BMP7: variants seen among roughly 807,000 people sequenced by gnomAD.
BMP7 encodes bone morphogenetic protein 7.
A neutral mutation model predicts 41.2 loss-of-function variants in BMP7; 12 were observed. The ratio of observed to expected loss-of-function variants is 0.29; its 90% CI spans 0.19 to 0.47. The LOEUF (loss-of-function observed/expected upper bound fraction) is 0.47, where lower values mean the gene tolerates loss of function less well. Ranked by LOEUF, BMP7 falls within the 20% of genes least tolerant of loss-of-function variation. The pLI is 0.99. For synonymous variants in BMP7, 248 were observed against 250.0 expected (o/e 0.99, Z 0.07); for missense variants, 467 against 606.0 (o/e 0.77, Z 2.41).
chr20:57,262,179 G>A (rs1600649001), intron 1 of BMP7, among the ~76,000 whole-genome samples: 1 of 152,354 alleles, frequency 6.6e-6, no homozygotes, highest in South Asian at 2.1e-4. Context: ...AGAAAGAATG[G>A]TAACGGGCTA....
intron 1 of BMP7, chr20:57,243,747 G>A (rs1303548017): frequency 1.3e-5 from 2 of 152,266 alleles, no homozygotes; most frequent in Admixed American, 6.5e-5. Flanking sequence ...CCCTCCCCAC[G>A]GCTGAGTTGG....
At chr20:57,265,247 A>C (rs1600650577) in intron 1 of BMP7, among the ~76,000 whole-genome samples, 1 of 152,116 alleles carries the variant, frequency 6.6e-6, no homozygotes, top group Non-Finnish European at 1.5e-5. Flanking sequence ...AGGGCTTGAC[A>C]GGGAGGGTAA....
chr20:57,238,967 T>A (rs1006326435), intron 1 of BMP7, among the ~76,000 whole-genome samples: 4 of 152,124 alleles, frequency 2.6e-5, no homozygotes, highest in Admixed American at 6.5e-5. Flanking sequence ...ACAATTCAAG[T>A]TGAGATTTGG....
chr20:57,199,287 C>A (rs1984569804), intron 3 of BMP7, among the ~76,000 whole-genome samples: 1 of 152,200 alleles, frequency 6.6e-6, no homozygotes, highest in Non-Finnish European at 1.5e-5. Flanking sequence ...CAGGCACCAT[C>A]TTGTAAACAG....
intron 2 of BMP7, among the ~76,000 whole-genome samples, chr20:57,222,352 G>A (rs757599398): frequency 7.9e-5 from 12 of 152,178 alleles, no homozygotes; most frequent in Non-Finnish European, 1.3e-4. Context: ...GGAAGCCAAC[G>A]GGCATTTGGC....
At chr20:57,241,506 T>G (rs545081463) in intron 1 of BMP7, among the ~76,000 whole-genome samples, 1 of 152,178 alleles carries the variant, frequency 6.6e-6, no homozygotes, top group African/African-American at 2.4e-5. Context: ...ACAGGCAGCA[T>G]TGTCTCCCCT....
chr20:57,199,907 G>A (rs928811470), intron 3 of BMP7, among the ~76,000 whole-genome samples: 1 of 152,260 alleles, frequency 6.6e-6, no homozygotes, highest in Non-Finnish European at 1.5e-5. Context: ...CCCAGGAGGA[G>A]CAAAGATGGT....
chr20:57,251,273 C>A (rs1308560359), intron 1 of BMP7, among the ~76,000 whole-genome samples: 1 of 152,196 alleles, frequency 6.6e-6, no homozygotes, highest in African/African-American at 2.4e-5. Flanking sequence ...AACAGGAGAC[C>A]CAGGGTTTAA....
intron 1 of BMP7, among the ~76,000 whole-genome samples, chr20:57,240,702 C>T (rs1347431302): frequency 1.3e-5 from 2 of 152,150 alleles, no homozygotes; most frequent in Non-Finnish European, 2.9e-5. Flanking sequence ...AGGTGAAAGG[C>T]ACTTCTTACA....
At position 57,254,092 on chromosome 20, in the gene BMP7, G is replaced by A. The variant is rs566874159; in HGVS notation, c.418+11613C>T. Among the ~76,000 whole-genome samples, 8 of 132,272 alleles carry A rather than the reference G, an allele frequency of 6.0e-5. No individual in the cohort carries two copies. The South Asian group carries it at 1.2e-3, about 20-fold the overall frequency. The allele number at this position is 132,272 out of a possible 152,430, so 86.8% of individuals were successfully genotyped here. On this transcript the variant is annotated intron_variant, in intron 1 of 6. Coordinates refer to ENST00000395863, the MANE Select transcript of BMP7 (RefSeq NM_001719.3). ...GGCTGGAGTGCAGTGATGTGATCTC[G>A]GCTTACTGCAACCTCTGCCTCCCGG... is the stretch of plus-strand genomic sequence containing the variant.
Position 57,174,792 on chromosome 20 carries a change from TC to T in BMP7, c.1035+138del. On this transcript the variant is annotated intron_variant, in intron 5 of 6. Transcript: ENST00000395863. This position sits in a 1 kb window ranked among gnomAD's most constrained non-coding sequence, Gnocchi z 4.3. The stretch of plus-strand genomic sequence containing the variant: ...GGCCTCCCTGTATCCTTAGCCCAAG[TC>T]CCCTTCCCTAGCGAGGCCACTTGAT... 1.1e-6 allele frequency: 1 copy of T among 917,310 alleles called. No homozygotes were observed. Among genetic ancestry groups the T allele is most frequent in the Non-Finnish European group, 1.7e-6 (1 of 584,418 alleles). 56.8% of individuals were successfully genotyped at this position (917,310 alleles called of 1,614,324 possible).
chr20:57,258,872 T>A (rs1027157347), intron 1 of BMP7, among the ~76,000 whole-genome samples: 9 of 152,256 alleles, frequency 5.9e-5, no homozygotes, highest in African/African-American at 1.9e-4. Flanking sequence ...TATACCAACG[T>A]AAATCTTCAT....
intron 1 of BMP7, 22 bp downstream of exon 1, chr20:57,265,683 A>G: frequency 6.3e-7 from 1 of 1,587,364 alleles, no homozygotes. Context: ...GGAGACGCGT[A>G]CCCTCGCCTG....
intron 2 of BMP7, among the ~76,000 whole-genome samples, chr20:57,216,376 C>T (rs542818178): frequency 1.7e-4 from 26 of 152,106 alleles, no homozygotes; most frequent in Admixed American, 5.2e-4. Flanking sequence ...CTGGAGAGGG[C>T]GGGGAAGTAA....
At chr20:57,257,192 G>A (rs905982732) in intron 1 of BMP7, among the ~76,000 whole-genome samples, 1 of 152,022 alleles carries the variant, frequency 6.6e-6, no homozygotes, top group Non-Finnish European at 1.5e-5. Flanking sequence ...GATTTTTAAC[G>A]CACCAAGATT....
chr20:57,204,763 G>A (rs1347034387), intron 2 of BMP7, among the ~76,000 whole-genome samples: 1 of 152,206 alleles, frequency 6.6e-6, no homozygotes, highest in African/African-American at 2.4e-5. Context: ...CTCCTCCCAT[G>A]CCACCTCAAA....
At chr20:57,242,192 G>A (rs1365052886) in intron 1 of BMP7, among the ~76,000 whole-genome samples, 1 of 152,206 alleles carries the variant, frequency 6.6e-6, no homozygotes, top group African/African-American at 2.4e-5. Flanking sequence ...GGCATTGTCT[G>A]GAGTCATTTT....
chr20:57,238,898 C>T (rs1472902281), intron 1 of BMP7, among the ~76,000 whole-genome samples: 1 of 152,116 alleles, frequency 6.6e-6, no homozygotes, highest in African/African-American at 2.4e-5. Context: ...AAGACCTACC[C>T]CCATGATTCA....
In BMP7 at chr20:57,171,237, A is replaced by G. The variant is rs1386101762; in HGVS notation, c.1147-129T>C. On this transcript the variant is annotated intron_variant, in intron 6 of 6. Coordinates refer to ENST00000395863, the MANE Select transcript of BMP7 (RefSeq NM_001719.3). The surrounding 1 kb of genome is among the most constrained non-coding windows in gnomAD (Gnocchi z 4.5). ...ACTGCAGGTGACACTCCCCAAGCCA[A>G]GCACTCCCTGTTCTAAGCACTTTAC... The G allele has an allele frequency of 7.5e-7, 1 of 1,326,338 alleles. No individual in the cohort carries two copies. The highest frequency in any genetic ancestry group is 1.1e-6 in the Non-Finnish European group (1 of 941,100). 82.2% of individuals were successfully genotyped at this position (1,326,338 alleles called of 1,614,324 possible).
Sources: allele counts gnomAD v4.1 joint callset (sites outside exome capture counted in the v4.1 genomes callset), GRCh38; gene constraint gnomAD v4.1.1; non-coding constraint Gnocchi (gnomAD v3.1); transcripts MANE v1.5; gene names NCBI Gene and HGNC (gene_info 2026-07-23, HGNC 2026-07-21).